Variants in ODF2L observed in about 807,000 individuals in gnomAD.
ODF2L encodes outer dense fiber of sperm tails 2 like.
ODF2L carries 76 observed loss-of-function variants against 86.3 expected under a neutral mutation model. That is an observed-to-expected ratio of 0.88 (90% CI 0.73 to 1.07). ODF2L has a LOEUF of 1.07. Ranked by LOEUF, ODF2L falls within the 50% of genes least tolerant of loss-of-function variation. ODF2L has a pLI of 0.00. For synonymous variants in ODF2L, 241 were observed against 231.3 expected (o/e 1.04, Z -0.38); for missense variants, 748 against 717.4 (o/e 1.04, Z -0.49).
Position 86,371,067 on chromosome 1 carries a change from G to T in ODF2L, c.1007C>A (p.Ser336Ter). 6.4e-7 allele frequency: 1 copy of T among 1,565,454 alleles called. No individual in the cohort carries two copies. The highest frequency in any genetic ancestry group is 8.7e-7 in the Non-Finnish European group (1 of 1,149,192). Residue 336 changes from serine to a stop codon, truncating the protein, a stop_gained, in exon 10 of 18, where the codon TCA becomes TAA. Transcript: ENST00000317336. LOFTEE classifies it high-confidence loss of function. The stretch of plus-strand genomic sequence containing the variant: ...CAGAGTTTCATTTTCATATTCAATT[G>T]AGTGAACTTTTCTAAGAATTTCTTC...
chr1:86,385,842 T>TA (rs1570431789), intron 2 of ODF2L: 1 of 248,780 alleles, frequency 4.0e-6, no homozygotes, highest in East Asian at 8.6e-5. Flanking sequence ...AAGGAGCATT[T>TA]TCAATATTTA....
chr1:86,374,973 T>C (rs75106253), intron 8 of ODF2L: 2 of 152,148 alleles, frequency 1.3e-5, no homozygotes, highest in Non-Finnish European at 2.9e-5. Flanking sequence ...TATACTCAAG[T>C]AGAAGGAAAC....
chr1:86,376,351 A>T (rs768455022), exon 8 of ODF2L: 12 of 1,612,946 alleles, frequency 7.4e-6, no homozygotes, highest in Non-Finnish European at 9.3e-6. Context: ...TGCTTCTTTC[A>T]TCACTATAGC....
At chr1:86,389,587 A>G (rs1661174462) in intron 1 of ODF2L, among the ~76,000 whole-genome samples, 1 of 151,586 alleles carries the variant, frequency 6.6e-6, no homozygotes, top group Non-Finnish European at 1.5e-5. Flanking sequence ...AATACAAAAG[A>G]TAAATGAAAC....
intron 1 of ODF2L, among the ~76,000 whole-genome samples, chr1:86,388,176 T>C (rs1273874007): frequency 6.6e-6 from 1 of 152,098 alleles, no homozygotes; most frequent in Non-Finnish European, 1.5e-5. Flanking sequence ...ATGATTCCCT[T>C]GAATGCTGCA....
In ODF2L at chr1:86,352,895, A is replaced by G. The variant is rs115789414; in HGVS notation, c.1857T>C (p.Asn619=). The G allele has an allele frequency of 2.3e-4, 354 of 1,553,482 alleles. 1 individual carries two copies. In the African/African-American group the frequency reaches 4.2e-3, roughly 18 times the overall value. Residue 619 remains asparagine (N), a synonymous_variant, in exon 17 of 18, where the codon AAT becomes AAC. Transcript: ENST00000317336. ...TGCAAACAAGTTGATTTTGTTCTTC[A>G]TTTTTCTTTCTAAGCTCAGTTTCCA...
intron 11 of ODF2L, among the ~76,000 whole-genome samples, chr1:86,365,047 C>G (rs774535433): frequency 6.6e-6 from 1 of 152,104 alleles, no homozygotes; most frequent in African/African-American, 2.4e-5. Context: ...AATCAAATTT[C>G]TAATTATAAA....
intron 11 of ODF2L, among the ~76,000 whole-genome samples, chr1:86,364,823 G>A (rs910918853): frequency 6.6e-6 from 1 of 152,144 alleles, no homozygotes; most frequent in African/African-American, 2.4e-5. Flanking sequence ...CAGCTTTGAA[G>A]TGCCAACTCT....
rs551846812 is a variant in ODF2L at position 86,388,885 on chromosome 1, T to C, written c.-59-1799A>G. Among the ~76,000 whole-genome samples the C allele has an allele frequency of 2.0e-5, 3 of 152,210 alleles. No individual in the cohort carries two copies. The East Asian group carries it at 5.8e-4, about 29-fold the overall frequency. On this transcript the variant is annotated intron_variant, in intron 1 of 17. Transcript: ENST00000317336. The stretch of plus-strand genomic sequence containing the variant: ...GTAAAAATAGGAATTCAGAATGACT[T>C]TCTACCTAACATTCTAAAATGGAAT...
intron 8 of ODF2L, among the ~76,000 whole-genome samples, chr1:86,373,430 A>G (rs1167070726): frequency 2.0e-5 from 3 of 150,212 alleles, no homozygotes; most frequent in African/African-American, 4.9e-5. Flanking sequence ...ATGTCTGCCA[A>G]CCACAGCCAC....
chr1:86,359,001 C>T, intron 12 of ODF2L, 110 bp from the exon 12 acceptor site: 1 of 557,580 alleles, frequency 1.8e-6, no homozygotes, highest in Non-Finnish European at 3.1e-6. Flanking sequence ...CTATCAATAT[C>T]CTTGACTGGT....
exon 3 of ODF2L, chr1:86,385,534 G>A (rs752999783): frequency 5.0e-6 from 8 of 1,606,938 alleles, no homozygotes; most frequent in East Asian, 4.5e-5. Context: ...TACCAACTCC[G>A]CTTCCTTAAG....
At chr1:86,357,744 A>T in intron 13 of ODF2L, 1 of 978,724 alleles carries the variant, frequency 1.0e-6, no homozygotes, top group Non-Finnish European at 1.2e-6. Context: ...GAAAAAGAAA[A>T]ATTTCATTAA....
rs764319697 is a variant in ODF2L at position 86,385,553 on chromosome 1, C to T, written c.151G>A (p.Glu51Lys). Residue 51 changes from glutamate to lysine, a missense_variant, in exon 3 of 18, where the codon GAA (glutamate) becomes AAA (lysine). Coordinates refer to ENST00000317336, the Ensembl canonical transcript of ODF2L. ...AACTCCGCTTCCTTAAGTGTTGCTT[C>T]CAATTCAGTCTTTTCATTTAGAATG... 3 of 1,611,262 alleles carry T rather than the reference C, an allele frequency of 1.9e-6. No homozygotes were observed. In the Admixed American group the frequency reaches 5.0e-5, roughly 27 times the overall value.
At chr1:86,367,836 G>T (rs562441619) in intron 11 of ODF2L, among the ~76,000 whole-genome samples, 35 of 152,224 alleles carry the variant, frequency 2.3e-4, no homozygotes, top group African/African-American at 8.2e-4. Context: ...ACAAAGAACA[G>T]AAAATATCCT....
At chr1:86,367,873 T>C (rs1659550767) in intron 11 of ODF2L, among the ~76,000 whole-genome samples, 1 of 152,192 alleles carries the variant, frequency 6.6e-6, no homozygotes. Context: ...GGTGAAGATA[T>C]ATAATCTGTC....
intron 11 of ODF2L, among the ~76,000 whole-genome samples, chr1:86,362,067 C>T (rs960254541): frequency 6.6e-6 from 1 of 151,822 alleles, no homozygotes; most frequent in Non-Finnish European, 1.5e-5. Flanking sequence ...AAGACAACAG[C>T]GGGAGGCGGC....
intron 13 of ODF2L, 40 bp downstream of exon 12, chr1:86,358,747 A>C (rs1360611547): frequency 4.6e-6 from 4 of 861,246 alleles, no homozygotes; most frequent in Non-Finnish European, 6.9e-6. Context: ...ATAAAGTAAA[A>C]AATATATAAA....
chr1:86,389,563 T>TG (rs1661171362), intron 1 of ODF2L, among the ~76,000 whole-genome samples: 1 of 92,152 alleles, frequency 1.1e-5, no homozygotes, highest in Non-Finnish European at 2.3e-5. Flanking sequence ...AAAATGAAAC[T>TG]GAAAAAAAAA....
Sources: gnomAD v4.1 joint callset for allele counts (sites outside exome capture counted in the v4.1 genomes callset) on GRCh38, gnomAD v4.1.1 for gene constraint, MANE v1.5 for transcripts, NCBI Gene and HGNC (gene_info 2026-07-23, HGNC 2026-07-21) for gene names.